The following TMEM198 variants were observed in gnomAD, a reference collection of about 807,000 sequenced individuals.
TMEM198 encodes the protein transmembrane protein 198.
In TMEM198, 21 loss-of-function variants were observed where a neutral mutation model predicts 31.5. The ratio of observed to expected loss-of-function variants is 0.67; its 90% CI spans 0.47 to 0.96. The LOEUF (loss-of-function observed/expected upper bound fraction) is 0.96. Ranked by LOEUF, TMEM198 falls within the 40% of genes least tolerant of loss-of-function variation. The pLI, the probability that TMEM198 is intolerant of heterozygous loss-of-function variation, is 0.00. For missense variants in TMEM198, 447 were observed against 499.4 expected (o/e 0.89, Z 1.00); for synonymous variants, 211 against 223.3 (o/e 0.95, Z 0.49).
At position 219,549,967 on chromosome 2, in the gene TMEM198, G is replaced by A. The variant is rs1046438848; in HGVS notation, c.*113G>A. On this transcript the variant is annotated 3_prime_UTR_variant, in exon 5 of 5. Coordinates refer to ENST00000373883, the MANE Select transcript of TMEM198 (RefSeq NM_001005209.3). ...CTGTCCCTCTCCCCAGCCTGGAGAG[G>A]GCTGGCCTGGTCACTAGAAGGGAGG... The A allele has an allele frequency of 2.1e-6, 3 of 1,400,564 alleles. No homozygotes were observed. The highest frequency in any genetic ancestry group is 4.2e-5 in the Admixed American group (2 of 47,782). 86.8% of individuals were successfully genotyped at this position (1,400,564 alleles called of 1,614,324 possible). A position where few individuals can be genotyped will look rare whatever the true frequency, so the allele number is the denominator to read the frequency against.
chr2:219,549,363 C>T lies in TMEM198; in HGVS notation c.945+9C>T. On this transcript the variant is annotated intron_variant, in intron 4 of 4. Transcript: ENST00000373883. Reference sequence around the variant, plus strand: ...GAGACGTCCTCTCCCCGGTGAGCTCCCTGAGCCCATCCAGCCAGAATGAGA... The same window carrying T: ...GAGACGTCCTCTCCCCGGTGAGCTCTCTGAGCCCATCCAGCCAGAATGAGA... The T allele has an allele frequency of 6.2e-7, 1 of 1,606,766 alleles. No individual in the cohort carries two copies. The highest frequency in any genetic ancestry group is 8.5e-7 in the Non-Finnish European group (1 of 1,175,484).
chr2:219,544,597 A>T, intron 1 of TMEM198, 92 bp from the exon 2 acceptor site: 2 of 1,017,906 alleles, frequency 2.0e-6, no homozygotes, highest in Non-Finnish European at 2.9e-6. Context: ...TCCTTTGTCC[A>T]CTGTCCTTGC....
rs138468520 is a variant in TMEM198, at chr2:219,545,396, T to TCA, written c.166+510_166+511dup. Among the ~76,000 whole-genome samples the TCA allele has an allele frequency of 7.8e-3, 1,191 of 152,228 alleles. 15 individuals carry two copies. Among genetic ancestry groups the TCA allele is most frequent in the African/African-American group, 0.027 (1,111 of 41,512 alleles). The stretch of plus-strand genomic sequence containing the variant: ...CATATTAGAGTGGGCTGGATGGTGG[T>TCA]CACACACATCCATCCAGCCTACAAG... On this transcript the variant is annotated intron_variant, in intron 2 of 4. Coordinates refer to ENST00000373883, the MANE Select transcript of TMEM198 (RefSeq NM_001005209.3).
At chr2:219,545,632 G>C (rs1695373939) in intron 2 of TMEM198, among the ~76,000 whole-genome samples, 1 of 152,192 alleles carries the variant, frequency 6.6e-6, no homozygotes, top group Non-Finnish European at 1.5e-5. Flanking sequence ...CAGTATAATG[G>C]GAGTAAGTGA....
Position 219,547,490 on chromosome 2 carries a change from C to T in TMEM198, c.167-16C>T, listed in dbSNP as rs754101436. The T allele has an allele frequency of 7.1e-7, 1 of 1,416,714 alleles. No individual in the cohort carries two copies. The highest frequency in any genetic ancestry group is 9.3e-7 in the Non-Finnish European group (1 of 1,080,142). 87.8% of individuals were successfully genotyped at this position (1,416,714 alleles called of 1,614,324 possible). A position where few individuals can be genotyped will look rare whatever the true frequency, so the allele number is the denominator to read the frequency against. ...GCCCTCATCTTGGCCCCTCACTAGC[C>T]CCTGTTCCCCTCCAGGTTACCGCTG... is the stretch of plus-strand genomic sequence containing the variant. On this transcript the variant is annotated splice_polypyrimidine_tract_variant and intron_variant, in intron 2 of 4. Transcript: ENST00000373883.
intron 3 of TMEM198, 29 bp from the exon 4 acceptor site, chr2:219,549,123 G>A (rs779258885): frequency 8.7e-6 from 14 of 1,613,020 alleles, no homozygotes; most frequent in Non-Finnish European, 5.1e-6. Flanking sequence ...ACCGTCCTCT[G>A]AGCTCCTTCT....
chr2:219,545,389 A>C (rs754314399), intron 2 of TMEM198, among the ~76,000 whole-genome samples: 3 of 152,088 alleles, frequency 2.0e-5, no homozygotes, highest in Non-Finnish European at 4.4e-5. Context: ...AGTGGGCTGG[A>C]TGGTGGTCAC....
intron 4 of TMEM198, 47 bp from the exon 5 acceptor site, chr2:219,549,670 G>C (rs1695499591): frequency 6.2e-7 from 1 of 1,602,758 alleles, no homozygotes; most frequent in South Asian, 1.1e-5. Context: ...TGGCTTTTAG[G>C]GCAGGATTCT....
upstream of TMEM198, chr2:219,543,790 G>A: frequency 4.4e-6 from 2 of 459,082 alleles, no homozygotes; most frequent in Non-Finnish European, 7.7e-6. Context: ...CGCGGCCGCA[G>A]CTGTCCGACG....
intron 2 of TMEM198, 21 bp downstream of exon 2, chr2:219,544,914 C>G: frequency 6.2e-6 from 10 of 1,607,380 alleles, no homozygotes; most frequent in Non-Finnish European, 7.7e-6. Flanking sequence ...CATCTCATCC[C>G]TCACCTGGGC....
In TMEM198 at chr2:219,547,632, T is replaced by C. The variant is rs775548429; in HGVS notation, c.293T>C (p.Ile98Thr). ...TQLSAGASAG[I>T]ALGIGLLCGL... ...CTGAGTGCTGGGGCGAGCGCGGGCATCGCTCTGGGCATCGGGCTGCTCTGC... is the reference window on the plus strand; with the variant it reads ...CTGAGTGCTGGGGCGAGCGCGGGCACCGCTCTGGGCATCGGGCTGCTCTGC... Residue 98 changes from isoleucine (I) to threonine (T), a missense_variant, in exon 3 of 5, where the codon ATC becomes ACC. By Grantham distance (89) the Ile-to-Thr change is moderately conservative. Coordinates refer to ENST00000373883, the MANE Select transcript of TMEM198 (RefSeq NM_001005209.3). 3 of 1,515,700 alleles carry C rather than the reference T, an allele frequency of 2.0e-6. No individual in the cohort carries two copies. In the South Asian group the frequency reaches 3.9e-5, roughly 20 times the overall value. 93.9% of individuals were successfully genotyped at this position (1,515,700 alleles called of 1,614,324 possible).
intron 2 of TMEM198, among the ~76,000 whole-genome samples, chr2:219,545,482 A>AG (rs1695371846): frequency 6.6e-6 from 1 of 152,200 alleles, no homozygotes. Context: ...TAAATAAGGG[A>AG]GCTCAGCTGA....
intron 4 of TMEM198, 102 bp downstream of exon 4, chr2:219,549,456 C>T: frequency 2.8e-6 from 4 of 1,403,650 alleles, no homozygotes; most frequent in Admixed American, 5.0e-5. Flanking sequence ...ATCTAGAAGG[C>T]CTGTTTGTCC....
chr2:219,544,435 C>T, intron 1 of TMEM198, 58 bp downstream of exon 1: 1 of 557,632 alleles, frequency 1.8e-6, no homozygotes, highest in South Asian at 1.7e-5. Flanking sequence ...TGGCTGCCTC[C>T]TTCTCACTGG....
chr2:219,544,220 C>G lies in TMEM198; in HGVS notation c.-197C>G. 1 of 464,318 alleles carries G rather than the reference C, an allele frequency of 2.2e-6. No homozygotes were observed. Among genetic ancestry groups the G allele is most frequent in the Non-Finnish European group, 4.4e-6 (1 of 227,224 alleles). 28.8% of individuals were successfully genotyped at this position (464,318 alleles called of 1,614,324 possible). A position where few individuals can be genotyped will look rare whatever the true frequency, so the allele number is the denominator to read the frequency against. On this transcript the variant is annotated 5_prime_UTR_variant, in exon 1 of 5. Transcript: ENST00000373883. ...TGGACGTGGAGCGGCGCCGCCACCGCGCCGACACCATTCTCTCCGGCCCAG... is the reference window on the plus strand; with the variant it reads ...TGGACGTGGAGCGGCGCCGCCACCGGGCCGACACCATTCTCTCCGGCCCAG...
upstream of TMEM198, chr2:219,543,841 C>T: frequency 2.4e-6 from 1 of 416,808 alleles, no homozygotes. Context: ...GGGTCTCGGG[C>T]TCTCGCTACC....
In TMEM198 at chr2:219,544,076, G is replaced by A. The variant is rs1222192217; in HGVS notation, c.-341G>A. Reference sequence around the variant, plus strand: ...TCCATCAGCACCAAAGGCCGCGGGCGGGCTCAGGGCATGGGGCCGCGGTTC... The same window carrying A: ...TCCATCAGCACCAAAGGCCGCGGGCAGGCTCAGGGCATGGGGCCGCGGTTC... On this transcript the variant is annotated 5_prime_UTR_variant, in exon 1 of 5. Coordinates refer to ENST00000373883, the MANE Select transcript of TMEM198 (RefSeq NM_001005209.3). The A allele has an allele frequency of 7.4e-6, 3 of 407,022 alleles. No homozygotes were observed. Among genetic ancestry groups the A allele is most frequent in the South Asian group, 3.5e-5 (2 of 57,132 alleles). 25.2% of individuals were successfully genotyped at this position (407,022 alleles called of 1,614,324 possible).
Position 219,549,116 on chromosome 2 carries a change from G to A in TMEM198, c.743-36G>A, listed in dbSNP as rs200047338. 144 of 1,611,664 alleles carry A rather than the reference G, an allele frequency of 8.9e-5. 1 individual carries two copies. The highest frequency in any genetic ancestry group is 2.0e-4 in the South Asian group (18 of 91,018). ...GGGCTCAAGGGAAACAAGGCGCACC[G>A]TCCTCTGAGCTCCTTCTCTACCCAT... On this transcript the variant is annotated intron_variant, in intron 3 of 4. Coordinates refer to ENST00000373883, the MANE Select transcript of TMEM198 (RefSeq NM_001005209.3).
At chr2:219,548,155 G>A (rs1184664078) in intron 3 of TMEM198, 74 bp downstream of exon 3, 1 of 1,341,252 alleles carries the variant, frequency 7.5e-7, no homozygotes, top group Non-Finnish European at 9.9e-7. Flanking sequence ...AAGTGACTGG[G>A]GAGTGGGGGA....
Sources: gnomAD v4.1 joint callset for allele counts (sites outside exome capture counted in the v4.1 genomes callset) on GRCh38, gnomAD v4.1.1 for gene constraint, MANE v1.5 for transcripts, NCBI Gene and HGNC (gene_info 2026-07-23, HGNC 2026-07-21) for gene names.